TNRC6B: variants seen among roughly 807,000 people sequenced by gnomAD.
TNRC6B encodes trinucleotide repeat containing adaptor 6B, also known as trinucleotide repeat-containing gene 6B protein.
Under a neutral mutation model 203.6 loss-of-function variants are expected in TNRC6B, and 52 were observed. That is an observed-to-expected ratio of 0.26 (90% confidence interval 0.20 to 0.32). The LOEUF (loss-of-function observed/expected upper bound fraction) is 0.32. TNRC6B is among the 10% of genes least tolerant of loss of function. The pLI is 1.00. For missense variants in TNRC6B, 1,923 were observed against 2,286.2 expected (o/e 0.84, Z 3.24); for synonymous variants, 838 against 845.7 (o/e 0.99, Z 0.16).
At chr22:40,268,827 G>A (rs933156653) in intron 5 of TNRC6B, among the ~76,000 whole-genome samples, 17 of 151,828 alleles carry the variant, frequency 1.1e-4, no homozygotes, top group Non-Finnish European at 7.4e-5. Context: ...CAGGAGAATG[G>A]GGTGAACCCA....
At chr22:40,316,392 T>A (rs1024586684) in intron 21 of TNRC6B, among the ~76,000 whole-genome samples, 1 of 144,682 alleles carries the variant, frequency 6.9e-6, no homozygotes, top group Non-Finnish European at 1.5e-5. Context: ...AAGATGGGGG[T>A]TGGTTTCTCA....
chr22:40,108,023 C>A (rs565154474), intron 1 of TNRC6B, among the ~76,000 whole-genome samples: 2 of 151,996 alleles, frequency 1.3e-5, no homozygotes, highest in East Asian at 3.9e-4. Context: ...GAAAACCTGG[C>A]TACGTGGCTG....
chr22:40,242,468 T>C (rs1489690327), intron 1 of TNRC6B, among the ~76,000 whole-genome samples: 1 of 152,152 alleles, frequency 6.6e-6, no homozygotes, highest in Non-Finnish European at 1.5e-5. Context: ...TTCGCTCTTG[T>C]TGCCCAGGCT....
intron 1 of TNRC6B, among the ~76,000 whole-genome samples, chr22:40,209,758 C>T (rs1343238963): frequency 6.6e-6 from 1 of 152,156 alleles, no homozygotes; most frequent in African/African-American, 2.4e-5. Context: ...CAGTGGCTCA[C>T]GCCTGTAATC....
chr22:40,103,472 G>A (rs533007251), intron 1 of TNRC6B, among the ~76,000 whole-genome samples: 1 of 152,184 alleles, frequency 6.6e-6, no homozygotes, highest in East Asian at 1.9e-4. Flanking sequence ...CAATATTTTT[G>A]AGGTTCATTC....
chr22:40,086,644 T>C (rs565250846), intron 1 of TNRC6B, among the ~76,000 whole-genome samples: 9 of 152,250 alleles, frequency 5.9e-5, no homozygotes, highest in African/African-American at 1.9e-4. Context: ...TAGATACTTA[T>C]CAGAATATCT....
At chr22:40,208,890 A>G (rs2069521455) in intron 1 of TNRC6B, among the ~76,000 whole-genome samples, 1 of 152,210 alleles carries the variant, frequency 6.6e-6, no homozygotes, top group Non-Finnish European at 1.5e-5. Context: ...GAAAGGAAAG[A>G]CCTAGTGATC....
intron 1 of TNRC6B, among the ~76,000 whole-genome samples, chr22:40,073,332 G>A (rs2067971737): frequency 6.6e-6 from 1 of 151,892 alleles, no homozygotes; most frequent in Admixed American, 6.6e-5. Flanking sequence ...CTTCCTTTAG[G>A]GACAGCAAGT....
At chr22:40,080,466 A>G (rs1449526357) in intron 1 of TNRC6B, among the ~76,000 whole-genome samples, 2 of 152,200 alleles carry the variant, frequency 1.3e-5, no homozygotes, top group African/African-American at 4.8e-5. Flanking sequence ...GCAGTTATCT[A>G]ATCTTATTAT....
At chr22:40,163,491 G>A (rs1264645647) in intron 4 of TNRC6B, among the ~76,000 whole-genome samples, 1 of 130,590 alleles carries the variant, frequency 7.7e-6, no homozygotes, top group Non-Finnish European at 1.6e-5. Context: ...GGCCAGGCAC[G>A]GTGGCTCACG....
chr22:40,245,088 T>TTTATTTA (rs1210680969), intron 1 of TNRC6B, among the ~76,000 whole-genome samples: 4 of 151,886 alleles, frequency 2.6e-5, no homozygotes, highest in Non-Finnish European at 5.9e-5. Flanking sequence ...TATTTATTTA[T>TTTATTTA]TTATTTATTT....
chr22:40,135,503 T>A (rs917100095), intron 3 of TNRC6B, among the ~76,000 whole-genome samples: 15 of 152,124 alleles, frequency 9.9e-5, no homozygotes, highest in African/African-American at 3.6e-4. Context: ...AGTAGCAAAT[T>A]TTTTTTTGTT....
At position 40,222,728 on chromosome 22, in the gene TNRC6B, C is replaced by CTTTTTTTTTTTTTTTTTTTTTTTTTT. The variant is rs61374373; in HGVS notation, c.6-23279_6-23254dup. On this transcript the variant is annotated intron_variant, in intron 1 of 22. Coordinates refer to ENST00000454349, the MANE Select transcript of TNRC6B (RefSeq NM_001162501.2). ...ATCTTGCTGTATTCTCTCTCTCTCT[C>CTTTTTTTTTTTTTTTTTTTTTTTTTT]TTTTTTTTTTTTTTTTTTTTTTTTT... Among the ~76,000 whole-genome samples the CTTTTTTTTTTTTTTTTTTTTTTTTTT allele has an allele frequency of 1.5e-4, 6 of 40,214 alleles. 2 individuals are homozygous for CTTTTTTTTTTTTTTTTTTTTTTTTTT. Among genetic ancestry groups the CTTTTTTTTTTTTTTTTTTTTTTTTTT allele is most frequent in the East Asian group, 9.4e-4 (1 of 1,068 alleles). The allele number at this position is 40,214 out of a possible 152,430, so 26.4% of individuals were successfully genotyped here.
chr22:40,281,150 G>A lies in TNRC6B; in HGVS notation c.3443G>A (p.Cys1148Tyr). 5 of 1,550,962 alleles carry A rather than the reference G, an allele frequency of 3.2e-6. No individual in the cohort carries two copies. Among genetic ancestry groups the A allele is most frequent in the Non-Finnish European group, 4.4e-6 (5 of 1,146,646 alleles). ...LTLPFSNQDG[C>Y]LGDEAPCSPF... ...TTGCCTTTCTCCAATCAAGATGGGT[G>A]CCTTGGGGATGAGGCTCCCTGCTCT... The change falls in exon 11 of 23, where the codon TGC (cysteine) becomes TAC (tyrosine). Residue 1148 changes from cysteine (C) to tyrosine (Y), a missense_variant. Physicochemically the swap from Cys to Tyr is radical, Grantham distance 194 (BLOSUM62 -2). This residue lies in a region of TNRC6B where 599 missense variants were observed against 656.5 expected (regional missense o/e 0.91). Transcript: ENST00000454349.
chr22:40,153,801 A>G (rs1016179585), intron 3 of TNRC6B, among the ~76,000 whole-genome samples: 1 of 151,516 alleles, frequency 6.6e-6, no homozygotes, highest in Non-Finnish European at 1.5e-5. Flanking sequence ...TTTGTTTGTC[A>G]GCCGGTAGTA....
At chr22:40,139,708 ATAT>A (rs974209037) in intron 3 of TNRC6B, among the ~76,000 whole-genome samples, 93 of 152,324 alleles carry the variant, frequency 6.1e-4, no homozygotes, top group African/African-American at 2.2e-3. Flanking sequence ...AACATTAATA[ATAT>A]TATGAAATGA....
chr22:40,071,624 T>A (rs963907896), intron 1 of TNRC6B, among the ~76,000 whole-genome samples: 3 of 152,208 alleles, frequency 2.0e-5, no homozygotes, highest in African/African-American at 7.2e-5. Context: ...CCCTCACTCC[T>A]CCAGCTTCTG....
intron 1 of TNRC6B, chr22:40,045,570 G>T (rs1220736397): frequency 6.6e-6 from 1 of 152,244 alleles, no homozygotes; most frequent in Admixed American, 6.5e-5. Context: ...CGGCCTGTGT[G>T]CAGGACCTGC....
intron 1 of TNRC6B, among the ~76,000 whole-genome samples, chr22:40,060,931 G>A (rs73418335): frequency 0.044 from 6,712 of 152,172 alleles, 450 homozygotes; most frequent in African/African-American, 0.14. Context: ...TGAACCGCAT[G>A]GTAGGTAGAG....
Sources: allele counts gnomAD v4.1 joint callset (sites outside exome capture counted in the v4.1 genomes callset), GRCh38; gene constraint gnomAD v4.1.1; regional missense constraint gnomAD v4.1.1; transcripts MANE v1.5; gene names NCBI Gene and HGNC (gene_info 2026-07-23, HGNC 2026-07-21).